ARHGEF33: variants seen among roughly 807,000 people sequenced by gnomAD.
ARHGEF33 encodes DH and coiled-coil domain-containing protein ENSP00000381780.
ARHGEF33 carries 72 observed loss-of-function variants against 101.9 expected under a neutral mutation model. The observed-to-expected ratio is 0.71, with a 90% CI of 0.58 to 0.86. The LOEUF (loss-of-function observed/expected upper bound fraction) is 0.86. Ranked by LOEUF, ARHGEF33 falls within the 40% of genes least tolerant of loss-of-function variation. The pLI is 0.00. For missense variants in ARHGEF33, 1,169 were observed against 1,111.3 expected, an observed-to-expected ratio of 1.05 and a Z score of -0.74; for synonymous variants, 499 against 442.5, an observed-to-expected ratio of 1.13 and a Z score of -1.60.
At chr2:38,909,907 A>C (rs1392698101) in intron 2 of ARHGEF33, among the ~76,000 whole-genome samples, 2 of 151,772 alleles carry the variant, frequency 1.3e-5, no homozygotes, top group Non-Finnish European at 2.9e-5. Context: ...ATAACCATTA[A>C]TTTTTATTTT....
rs551803393 is a variant in ARHGEF33 at position 38,949,474 on chromosome 2, C to T, written c.921-1515C>T. On this transcript the variant is annotated intron_variant, in intron 10 of 17. Coordinates refer to ENST00000409978, the MANE Select transcript of ARHGEF33 (RefSeq NM_001145451.5). Reference sequence around the variant, plus strand: ...CCAGCTAGTCCCCCTTCCTCTTCCTCCCATGATTCTCTATCTCTCCTCTCC... The same window carrying T: ...CCAGCTAGTCCCCCTTCCTCTTCCTTCCATGATTCTCTATCTCTCCTCTCC... Among the ~76,000 whole-genome samples, 3 of 152,248 alleles carry T rather than the reference C, an allele frequency of 2.0e-5. No homozygotes were observed. The East Asian group carries it at 5.8e-4, about 29-fold the overall frequency.
In ARHGEF33 at chr2:38,960,773, G is replaced by T. The variant is rs932976151; in HGVS notation, c.2343+125G>T. On this transcript the variant is annotated intron_variant, in intron 16 of 17. Transcript: ENST00000409978. The stretch of plus-strand genomic sequence containing the variant: ...GGGCCAGGCTAGGGGGCGGCTGCGC[G>T]AGCCGTCGGCGGGTGGAGGCGGAGG... 3 of 815,998 alleles carry T rather than the reference G, an allele frequency of 3.7e-6. No homozygotes were observed. In the East Asian group the frequency reaches 2.9e-4, roughly 78 times the overall value. 50.5% of individuals were successfully genotyped at this position (815,998 alleles called of 1,614,324 possible).
intron 4 of ARHGEF33, among the ~76,000 whole-genome samples, chr2:38,926,898 C>T (rs994852562): frequency 6.6e-6 from 1 of 151,940 alleles, no homozygotes; most frequent in African/African-American, 2.4e-5. Context: ...AACTCGCATA[C>T]ATTTTTGATT....
chr2:38,959,990 A>C lies in ARHGEF33; in HGVS notation c.1685A>C (p.Glu562Ala), dbSNP rs1667873442. The C allele has an allele frequency of 1.4e-5, 22 of 1,550,654 alleles. No individual in the cohort carries two copies. The highest frequency in any genetic ancestry group is 1.9e-5 in the Non-Finnish European group (22 of 1,146,632). Residue 562 changes from glutamate (E) to alanine (A), a missense_variant, in exon 16 of 18, where the codon GAG becomes GCG. Transcript: ENST00000409978. ...LLAPTQFCAA[E>A]QDVKALAGPL... ...GCACCGACGCAGTTCTGCGCGGCCG[A>C]GCAGGACGTGAAGGCGCTGGCCGGG... is the stretch of plus-strand genomic sequence containing the variant.
chr2:38,967,742 ATTTTTTT>A (rs546430517), intron 17 of ARHGEF33, among the ~76,000 whole-genome samples: 1 of 128,370 alleles, frequency 7.8e-6, no homozygotes, highest in African/African-American at 2.9e-5. Context: ...CGCCCTGGCT[ATTTTTTT>A]TTTTTTTTTT....
chr2:38,937,437 C>T lies in ARHGEF33; in HGVS notation c.668C>T (p.Pro223Leu), dbSNP rs778862995. Residue 223 changes from proline to leucine, a missense_variant, in exon 9 of 18, where the codon CCT becomes CTT. Pro to Leu is a moderately conservative substitution (Grantham distance 98, BLOSUM62 -3). Coordinates refer to ENST00000409978, the MANE Select transcript of ARHGEF33 (RefSeq NM_001145451.5). ...CTCCCATCTGGCATGTGGAGGCAGC[C>T]TAAGGATGGTAAAGAATGGGGTGAA... ...GHLPSGMWRQ[P>L]KDGKEWGEEY... is the part of the protein sequence containing the mutation. The T allele has an allele frequency of 6.5e-7, 1 of 1,549,436 alleles. No homozygotes were observed. The highest frequency in any genetic ancestry group is 2.4e-5 in the East Asian group (1 of 40,860).
chr2:38,953,206 T>C lies in ARHGEF33; in HGVS notation c.1098T>C (p.Pro366=). ...ATGTTGCCTACCTAAGGGACCTGCCTGAGTGCATCTCATTGGTTCATGTTG... is the reference window on the plus strand; with the variant it reads ...ATGTTGCCTACCTAAGGGACCTGCCCGAGTGCATCTCATTGGTTCATGTTG... ...DYYVAYLRDL[P]ECISLVHVVV... Residue 366 remains proline, a synonymous_variant, in exon 12 of 18, where the codon CCT becomes CCC. Transcript: ENST00000409978. The C allele has an allele frequency of 6.5e-7, 1 of 1,545,414 alleles. No individual in the cohort carries two copies. The highest frequency in any genetic ancestry group is 8.8e-7 in the Non-Finnish European group (1 of 1,140,808).
At chr2:38,924,753 A>G (rs928858712) in intron 4 of ARHGEF33, among the ~76,000 whole-genome samples, 22 of 152,340 alleles carry the variant, frequency 1.4e-4, no homozygotes, top group African/African-American at 5.3e-4. Flanking sequence ...TAATTTGTAT[A>G]GTTACTAATT....
chr2:38,893,164 T>A (rs1361176722), intron 1 of ARHGEF33, among the ~76,000 whole-genome samples: 4 of 151,818 alleles, frequency 2.6e-5, no homozygotes, highest in Admixed American at 1.3e-4. Flanking sequence ...ATCCTTTTTT[T>A]TTTTTTTTTC....
chr2:38,899,519 A>C (rs1485547072), intron 2 of ARHGEF33, among the ~76,000 whole-genome samples: 1 of 152,100 alleles, frequency 6.6e-6, no homozygotes, highest in East Asian at 1.9e-4. Context: ...ATGGAAGTCA[A>C]GAGTAGAATG....
chr2:38,918,049 C>G (rs1666674137), intron 2 of ARHGEF33, among the ~76,000 whole-genome samples: 1 of 152,146 alleles, frequency 6.6e-6, no homozygotes, highest in Non-Finnish European at 1.5e-5. Context: ...CAAACAATCT[C>G]TGGCTGATTT....
chr2:38,967,563 C>T (rs1668076157), intron 17 of ARHGEF33, among the ~76,000 whole-genome samples: 1 of 152,020 alleles, frequency 6.6e-6, no homozygotes, highest in Non-Finnish European at 1.5e-5. Context: ...CCTCTCCAGC[C>T]CACCCTGATT....
chr2:38,936,231 G>GA (rs1558433917), intron 8 of ARHGEF33, among the ~76,000 whole-genome samples: 1 of 152,046 alleles, frequency 6.6e-6, no homozygotes, highest in Non-Finnish European at 1.5e-5. Flanking sequence ...CTAAATAATA[G>GA]AAAAGAAACA....
chr2:38,930,267 G>T (rs954074775), intron 6 of ARHGEF33, among the ~76,000 whole-genome samples: 1 of 152,042 alleles, frequency 6.6e-6, no homozygotes, highest in African/African-American at 2.4e-5. Context: ...GTCTGGACTA[G>T]GTTGAATCAA....
chr2:38,935,653 A>T, intron 7 of ARHGEF33, 122 bp from the exon 8 acceptor site: 1 of 685,770 alleles, frequency 1.5e-6, no homozygotes, highest in South Asian at 2.2e-5. Flanking sequence ...TCTTTTTTTT[A>T]CTGCTCTGCC....
At chr2:38,916,235 T>C (rs1666631588) in intron 2 of ARHGEF33, among the ~76,000 whole-genome samples, 1 of 152,224 alleles carries the variant, frequency 6.6e-6, no homozygotes, top group African/African-American at 2.4e-5. Flanking sequence ...CATAAATATA[T>C]GGCTTTGCAT....
chr2:38,907,369 C>T (rs567949802), intron 2 of ARHGEF33, among the ~76,000 whole-genome samples: 1 of 152,144 alleles, frequency 6.6e-6, no homozygotes, highest in East Asian at 1.9e-4. Context: ...TCTTTTTCTC[C>T]TTTCTAGCTG....
intron 2 of ARHGEF33, among the ~76,000 whole-genome samples, chr2:38,899,761 A>T (rs1420690824): frequency 2.6e-5 from 4 of 152,130 alleles, no homozygotes; most frequent in Non-Finnish European, 4.4e-5. Flanking sequence ...AATTAGCTTG[A>T]TTTACTTATT....
chr2:38,937,950 C>T (rs1484433063), intron 9 of ARHGEF33, among the ~76,000 whole-genome samples: 1 of 152,126 alleles, frequency 6.6e-6, no homozygotes, highest in Admixed American at 6.5e-5. Flanking sequence ...TTTTTCCCTC[C>T]CTCCTTCCCT....
Sources: allele counts gnomAD v4.1 joint callset (sites outside exome capture counted in the v4.1 genomes callset), GRCh38; gene constraint gnomAD v4.1.1; transcripts MANE v1.5; gene names NCBI Gene and HGNC (gene_info 2026-07-23, HGNC 2026-07-21).